The following RTL9 variants were observed in gnomAD, a reference collection of about 807,000 sequenced individuals.
The protein encoded by RTL9 is retrotransposon Gag-like protein 9.
Under a neutral mutation model 44.7 loss-of-function variants are expected in RTL9, and 19 were observed. That is an observed-to-expected ratio of 0.42 (90% confidence interval 0.30 to 0.62). The LOEUF is 0.62. Ranked by LOEUF, RTL9 falls within the 20% of genes least tolerant of loss-of-function variation. RTL9 has a pLI of 0.16. For synonymous variants in RTL9, 407 were observed against 398.9 expected (o/e 1.02, Z -0.24); for missense variants, 1,105 against 1,080.6 (o/e 1.02, Z -0.32).
Position 110,366,061 on chromosome X carries a change from C to T in RTL9, c.-168+7145C>T, listed in dbSNP as rs148421936. Among the ~76,000 whole-genome samples the T allele has an allele frequency of 9.6e-3, 1,064 of 111,372 alleles. 10 individuals are homozygous for T. Among genetic ancestry groups the T allele is most frequent in the African/African-American group, 0.033 (1,007 of 30,626 alleles). On this transcript the variant is annotated intron_variant, in intron 1 of 2. Coordinates refer to the RTL9 transcript ENST00000520821. ...TCAGCTGCAGAATAGAGAGATGGCCCGGGGAGGACATGTGTTGGTTCCTGC... is the reference window on the plus strand; with the variant it reads ...TCAGCTGCAGAATAGAGAGATGGCCTGGGGAGGACATGTGTTGGTTCCTGC...
At chrX:110,416,965 C>T (rs2068681990), upstream of RTL9, among the ~76,000 whole-genome samples, 1 of 112,181 alleles carries the variant, frequency 8.9e-6, no homozygotes, top group Non-Finnish European at 1.9e-5. Context: ...TTCCAATTTT[C>T]GGTTTTTGGG....
chrX:110,393,848 G>C (rs2068511292), intron 1 of RTL9, among the ~76,000 whole-genome samples: 1 of 112,641 alleles, frequency 8.9e-6, no homozygotes. Context: ...CCGGCCACCT[G>C]TGACCCTGAA....
chrX:110,454,583 C>G, exon 1 of RTL9: 1 of 1,211,453 alleles, frequency 8.3e-7, no homozygotes, highest in Non-Finnish European at 1.1e-6. Flanking sequence ...GCAACTCAAG[C>G]CAGGTTCTGC....
intron 1 of RTL9, among the ~76,000 whole-genome samples, chrX:110,359,531 C>A (rs1397667896): frequency 1.8e-5 from 2 of 111,658 alleles, no homozygotes; most frequent in African/African-American, 3.3e-5. Flanking sequence ...CTCACACAAC[C>A]ATCTAGTGGC....
At chrX:110,432,078 T>A (rs1449888340) in intron 1 of RTL9, among the ~76,000 whole-genome samples, 1 of 112,025 alleles carries the variant, frequency 8.9e-6, no homozygotes, top group African/African-American at 3.2e-5. Context: ...TTATGGCAGA[T>A]GCTGAGTTGA....
Position 110,404,071 on chromosome X carries a change from G to A in RTL9, c.-167-41082G>A, listed in dbSNP as rs72618396. 6.3e-4 allele frequency among the ~76,000 whole-genome samples: 71 copies of A among 112,460 alleles called. No homozygotes were observed. The East Asian group carries it at 0.02, about 31-fold the overall frequency. On this transcript the variant is annotated intron_variant, in intron 1 of 2. Coordinates refer to the RTL9 transcript ENST00000520821. ...AGAACGAACAGTCTTTAGTGATTCC[G>A]GAGACTTGTTGTCATGTTCTTTCTT... is the stretch of plus-strand genomic sequence containing the variant.
intron 1 of RTL9, among the ~76,000 whole-genome samples, chrX:110,410,224 C>T (rs746023560): frequency 2.7e-4 from 30 of 111,263 alleles, no homozygotes; most frequent in African/African-American, 6.9e-4. Context: ...GGTGGTGGGA[C>T]GATCTGACAT....
chrX:110,409,640 G>A (rs1235974767), intron 1 of RTL9, among the ~76,000 whole-genome samples: 1 of 103,518 alleles, frequency 9.7e-6, no homozygotes, highest in African/African-American at 4.1e-5. Flanking sequence ...TGTTGTTGCT[G>A]CTGCTGTTTT....
At chrX:110,388,583 C>G (rs747923505) in intron 1 of RTL9, among the ~76,000 whole-genome samples, 1 of 112,089 alleles carries the variant, frequency 8.9e-6, no homozygotes, top group Non-Finnish European at 1.9e-5. Flanking sequence ...TTATTTAAAG[C>G]CTTGCCTTAG....
chrX:110,389,880 G>C (rs906333860), intron 1 of RTL9, among the ~76,000 whole-genome samples: 6 of 111,957 alleles, frequency 5.4e-5, no homozygotes, highest in Admixed American at 9.5e-5. Context: ...AAAAGAAAAG[G>C]CTGAGAAGCA....
At chrX:110,450,428 T>A (rs1405951885), upstream of RTL9, 10 of 410,194 alleles carry the variant, frequency 2.4e-5, no homozygotes, top group Non-Finnish European at 4.2e-5. Flanking sequence ...GCTTCACAGC[T>A]TCTTTAATCT....
chrX:110,366,888 C>T (rs760548670), intron 1 of RTL9, among the ~76,000 whole-genome samples: 13 of 111,971 alleles, frequency 1.2e-4, no homozygotes, highest in African/African-American at 4.2e-4. Flanking sequence ...TTGAATGCTC[C>T]TGGGTGGCTT....
chrX:110,455,406 T>C (rs2068975010), exon 2 of RTL9: 3 of 1,103,985 alleles, frequency 2.7e-6, no homozygotes, highest in African/African-American at 3.6e-5. Flanking sequence ...TAAACTACAT[T>C]ATAAACCTTG....
At chrX:110,430,491 A>G (rs754020877) in intron 1 of RTL9, among the ~76,000 whole-genome samples, 1 of 112,096 alleles carries the variant, frequency 8.9e-6, no homozygotes, top group Non-Finnish European at 1.9e-5. Flanking sequence ...ATAGCTAGTG[A>G]ATGGCGGAAC....
At chrX:110,368,784 G>T (rs2068316108) in intron 1 of RTL9, among the ~76,000 whole-genome samples, 1 of 111,528 alleles carries the variant, frequency 9.0e-6, no homozygotes, top group African/African-American at 3.3e-5. Flanking sequence ...GTGGTAGCTG[G>T]CACATAATAG....
chrX:110,453,172 C>T (rs774924535), exon 1 of RTL9: 3 of 1,211,620 alleles, frequency 2.5e-6, no homozygotes, highest in South Asian at 3.5e-5. Context: ...CTAACAAGAT[C>T]CACAGCCTCT....
At chrX:110,428,915 G>T (rs114747071) in intron 1 of RTL9, among the ~76,000 whole-genome samples, 2 of 112,287 alleles carry the variant, frequency 1.8e-5, no homozygotes, top group African/African-American at 6.5e-5. Context: ...TTCAGGGTCC[G>T]ATGCGACGGC....
chrX:110,428,141 T>A (rs1459930119), intron 1 of RTL9, among the ~76,000 whole-genome samples: 1 of 112,256 alleles, frequency 8.9e-6, no homozygotes, highest in Non-Finnish European at 1.9e-5. Context: ...ATTCTGTACA[T>A]CCTGTTCCCT....
intron 1 of RTL9, among the ~76,000 whole-genome samples, chrX:110,384,582 T>C (rs991487719): frequency 1.8e-5 from 2 of 111,351 alleles, no homozygotes; most frequent in African/African-American, 6.5e-5. Flanking sequence ...TTTCTGGAAC[T>C]TGAGGATCAA....
Sources: gnomAD v4.1 joint callset for allele counts (sites outside exome capture counted in the v4.1 genomes callset) on GRCh38, gnomAD v4.1.1 for gene constraint, MANE v1.5 for transcripts, NCBI Gene and HGNC (gene_info 2026-07-23, HGNC 2026-07-21) for gene names.